COG1: variants seen among roughly 807,000 people sequenced by gnomAD.
COG1 encodes the protein component of oligomeric golgi complex 1.
A neutral mutation model predicts 102.2 loss-of-function variants in COG1; 61 were observed. That is an observed-to-expected ratio of 0.60 (90% confidence interval 0.49 to 0.74). The LOEUF (loss-of-function observed/expected upper bound fraction) is 0.74. Ranked by LOEUF, COG1 falls within the 30% of genes least tolerant of loss-of-function variation. The pLI, the probability that COG1 is intolerant of heterozygous loss-of-function variation, is 0.00. For missense variants in COG1, 1,164 were observed against 1,232.1 expected, an observed-to-expected ratio of 0.94 and a Z score of 0.83; for synonymous variants, 454 against 493.6, an observed-to-expected ratio of 0.92 and a Z score of 1.06.
chr17:73,208,323 C>A lies in COG1; in HGVS notation c.2815C>A (p.Pro939Thr). 3 of 1,613,768 alleles carry A rather than the reference C, an allele frequency of 1.9e-6. No homozygotes were observed. Among genetic ancestry groups the A allele is most frequent in the Non-Finnish European group, 2.5e-6 (3 of 1,180,002 alleles). Reference sequence around the variant, plus strand: ...CTACATCCAATGGCAGGTTGTCCCCCCGGCACGCTCCACAGCTGGTGACCC... The same window carrying A: ...CTACATCCAATGGCAGGTTGTCCCCACGGCACGCTCCACAGCTGGTGACCC... ...NIETKAQVVP[P>T]ARSTAGDPTV... is the part of the protein sequence containing the mutation. Residue 939 changes from proline to threonine, a missense_variant, in exon 14 of 14, where the codon CCG (proline) becomes ACG (threonine). Coordinates refer to ENST00000299886, the MANE Select transcript of COG1 (RefSeq NM_018714.3).
At chr17:73,202,068 TG>T (rs2061349356) in intron 7 of COG1, among the ~76,000 whole-genome samples, 168 bp downstream of exon 7, 1 of 152,212 alleles carries the variant, frequency 6.6e-6, no homozygotes. Context: ...CCGGGCGCGG[TG>T]GCTCATGCCT....
intron 12 of COG1, 146 bp from the exon 13 acceptor site, chr17:73,207,035 G>C (rs1052315130): frequency 3.9e-5 from 29 of 748,878 alleles, no homozygotes; most frequent in Non-Finnish European, 4.8e-5. Flanking sequence ...GGAGCTTGCA[G>C]TGAGCCGAGA....
chr17:73,193,097 C>G lies in COG1; in HGVS notation c.28C>G (p.Leu10Val). Reference protein sequence around the residue: MATAATSPALKRLDLRDPAA... With the variant: MATAATSPAVKRLDLRDPAA... ...GGCCACCGCGGCAACCTCACCCGCG[C>G]TGAAGCGGCTGGATCTGCGCGACCC... is the stretch of plus-strand genomic sequence containing the variant. Residue 10 changes from leucine (L) to valine (V), a missense_variant, in exon 1 of 14, where the codon CTG becomes GTG. Leu to Val is a conservative substitution (Grantham distance 32). Coordinates refer to ENST00000299886, the MANE Select transcript of COG1 (RefSeq NM_018714.3). 1.2e-6 allele frequency: 2 copies of G among 1,612,020 alleles called. No homozygotes were observed. The highest frequency in any genetic ancestry group is 1.7e-6 in the Non-Finnish European group (2 of 1,179,602).
chr17:73,200,021 T>C lies in COG1; in HGVS notation c.1070T>C (p.Met357Thr). Residue 357 changes from methionine to threonine, a missense_variant and splice_region_variant, in exon 5 of 14, where the codon ATG (methionine) becomes ACG (threonine). Transcript: ENST00000299886. ...GACACGCTGCAGAAATGGATCCACA[T>C]GTAAGTAACCAGAAAGAGCTTCCCT... ...LKDTLQKWIHMCNEDIKNGIT... is the reference protein window; with the variant it reads ...LKDTLQKWIHTCNEDIKNGIT... The C allele has an allele frequency of 6.2e-7, 1 of 1,610,642 alleles. No homozygotes were observed.
In COG1 at chr17:73,205,597, G is replaced by A; in HGVS notation, c.2427G>A (p.Leu809=). ...FPVTQNRALQ[L]LYDLRYLNIV... ...TCACCCAGAACCGGGCGCTGCAGCT[G>A]CTTTATGATCTGCGTTACCTCAACA... Residue 809 remains leucine, a synonymous_variant, in exon 10 of 14, where the codon CTG becomes CTA. Coordinates refer to ENST00000299886, the MANE Select transcript of COG1 (RefSeq NM_018714.3). The A allele has an allele frequency of 6.2e-7, 1 of 1,614,194 alleles. No individual in the cohort carries two copies. Among genetic ancestry groups the A allele is most frequent in the Non-Finnish European group, 8.5e-7 (1 of 1,180,032 alleles).
Position 73,206,135 on chromosome 17 carries a change from A to G in COG1, c.2511-19A>G. ...ATCCTAAAAAATGTGGACAGTAATG[A>G]TCCTAATCCTTTTCTCAGAATTGAG... is the stretch of plus-strand genomic sequence containing the variant. On this transcript the variant is annotated intron_variant, in intron 10 of 13. Transcript: ENST00000299886. 6.4e-7 allele frequency: 1 copy of G among 1,564,274 alleles called. No homozygotes were observed. Among genetic ancestry groups the G allele is most frequent in the Non-Finnish European group, 8.8e-7 (1 of 1,134,546 alleles).
At chr17:73,196,870 C>T in intron 2 of COG1, 30 bp from the exon 3 acceptor site, 2 of 1,613,984 alleles carry the variant, frequency 1.2e-6, no homozygotes, top group Non-Finnish European at 1.7e-6. Context: ...GTGAAAAACA[C>T]CCTGGCGACT....
intron 1 of COG1, among the ~76,000 whole-genome samples, chr17:73,194,152 A>ATTTTTTTTTTTTTTTTT (rs1257232460): frequency 6.1e-5 from 9 of 147,476 alleles, no homozygotes; most frequent in African/African-American, 9.9e-5. Flanking sequence ...TTCCTAAAGA[A>ATTTTTTTTTTTTTTTTT]TTTTTATTGG....
chr17:73,202,013 G>A (rs956464611), intron 7 of COG1, 113 bp downstream of exon 7: 3 of 1,125,760 alleles, frequency 2.7e-6, no homozygotes, highest in Middle Eastern at 2.6e-4. Context: ...GATTTCATAC[G>A]GTTAACTTTA....
At chr17:73,207,503 G>A in intron 13 of COG1, 2 of 612,488 alleles carry the variant, frequency 3.3e-6, no homozygotes, top group Non-Finnish European at 5.7e-6. Context: ...ATACAGGACA[G>A]GGTGGAGATG....
intron 13 of COG1, chr17:73,208,071 C>T: frequency 1.4e-6 from 2 of 1,405,950 alleles, no homozygotes; most frequent in Admixed American, 2.8e-5. Flanking sequence ...GAGAGAAGTG[C>T]CTGTGTCTAC....
chr17:73,199,714 A>G (rs2061339222), intron 4 of COG1, 151 bp from the exon 5 acceptor site: 5 of 825,618 alleles, frequency 6.1e-6, no homozygotes, highest in Non-Finnish European at 3.9e-6. Context: ...AGCTGCAACT[A>G]CAGGTGTGCA....
chr17:73,203,964 T>G (rs989359155), intron 9 of COG1, among the ~76,000 whole-genome samples, 171 bp downstream of exon 9: 1 of 152,150 alleles, frequency 6.6e-6, no homozygotes, highest in Non-Finnish European at 1.5e-5. Context: ...CCCAGCGCTG[T>G]GAGTTTACTT....
rs2061327176 is a variant in COG1, at chr17:73,196,806, G to A, written c.560+55G>A. 16 of 1,613,706 alleles carry A rather than the reference G, an allele frequency of 9.9e-6. 1 individual carries two copies. Among genetic ancestry groups the A allele is most frequent in the East Asian group, 4.5e-5 (2 of 44,890 alleles). Reference sequence around the variant, plus strand: ...TGGTGGTGGCCAGGCTTCACATTACGGGTTTATGGCGTTTGTCTTCTTTCC... The same window carrying A: ...TGGTGGTGGCCAGGCTTCACATTACAGGTTTATGGCGTTTGTCTTCTTTCC... On this transcript the variant is annotated intron_variant, in intron 2 of 13. Transcript: ENST00000299886.
At chr17:73,206,908 G>A in intron 12 of COG1, 91 bp downstream of exon 12, 1 of 940,328 alleles carries the variant, frequency 1.1e-6, no homozygotes, top group African/African-American at 1.6e-5. Flanking sequence ...TGGCTAACAT[G>A]GTGAAACCCT....
At chr17:73,202,967 T>G in intron 7 of COG1, 33 bp from the exon 8 acceptor site, 5 of 1,612,540 alleles carry the variant, frequency 3.1e-6, no homozygotes. Context: ...AGGATCTGAG[T>G]GGCTTGTATG....
intron 4 of COG1, among the ~76,000 whole-genome samples, chr17:73,199,093 T>A (rs532774080): frequency 2.6e-5 from 4 of 152,326 alleles, no homozygotes; most frequent in African/African-American, 9.6e-5. Flanking sequence ...GCCCTGGGTT[T>A]CAAACTCCGG....
intron 1 of COG1, among the ~76,000 whole-genome samples, chr17:73,196,179 T>C (rs929554921): frequency 1.3e-5 from 2 of 152,180 alleles, no homozygotes; most frequent in Non-Finnish European, 2.9e-5. Flanking sequence ...ATCCATTTGC[T>C]GTGGTTTGGA....
At position 73,203,116 on chromosome 17, in the gene COG1, T is replaced by G. The variant is rs767394929; in HGVS notation, c.2190T>G (p.Ser730Arg). The G allele has an allele frequency of 6.2e-7, 1 of 1,614,114 alleles. No individual in the cohort carries two copies. Among genetic ancestry groups the G allele is most frequent in the Non-Finnish European group, 8.5e-7 (1 of 1,180,022 alleles). Residue 730 changes from serine (S) to arginine (R), a missense_variant, in exon 8 of 14, where the codon AGT (serine) becomes AGG (arginine). Physicochemically the swap from Ser to Arg is moderately radical, Grantham distance 110. Coordinates refer to ENST00000299886, the MANE Select transcript of COG1 (RefSeq NM_018714.3). ...EIQEEAESGS[S>R]VTSKIRLPAQ... ...AGGAGGAGGCAGAGTCTGGCAGCAGTGTCACATCCAAGATCCGACTCCCTG... is the reference window on the plus strand; with the variant it reads ...AGGAGGAGGCAGAGTCTGGCAGCAGGGTCACATCCAAGATCCGACTCCCTG...
Sources: allele counts gnomAD v4.1 joint callset (sites outside exome capture counted in the v4.1 genomes callset), GRCh38; gene constraint gnomAD v4.1.1; transcripts MANE v1.5; gene names NCBI Gene and HGNC (gene_info 2026-07-23, HGNC 2026-07-21).